Variants in SOX13 observed in about 807,000 individuals in gnomAD.
SOX13 encodes the protein SRY-box transcription factor 13, also known as transcription factor SOX-13.
A neutral mutation model predicts 71.8 loss-of-function variants in SOX13; 28 were observed. That is an observed-to-expected ratio of 0.39 (90% confidence interval 0.29 to 0.53). The LOEUF is 0.53. Ranked by LOEUF, SOX13 falls within the 20% of genes least tolerant of loss-of-function variation. The probability of loss-of-function intolerance (pLI) is 0.70; values close to 1 mark genes in which losing one functional copy is unlikely to be tolerated. For synonymous variants in SOX13, 309 were observed against 317.8 expected, an observed-to-expected ratio of 0.97 and a Z score of 0.29; for missense variants, 627 against 810.3, an observed-to-expected ratio of 0.77 and a Z score of 2.75.
chr1:204,102,003 C>T (rs116035589), intron 1 of SOX13, among the ~76,000 whole-genome samples: 5 of 152,314 alleles, frequency 3.3e-5, no homozygotes, highest in African/African-American at 1.2e-4. Context: ...TCAGGACCAG[C>T]CTGGGCAACA....
At chr1:204,108,257 G>C (rs1656510977) in intron 1 of SOX13, among the ~76,000 whole-genome samples, 1 of 152,206 alleles carries the variant, frequency 6.6e-6, no homozygotes, top group Non-Finnish European at 1.5e-5. Context: ...TTACTAATGA[G>C]CTATTTTACA....
intron 1 of SOX13, among the ~76,000 whole-genome samples, chr1:204,101,042 G>A (rs1656351396): frequency 1.3e-5 from 2 of 152,224 alleles, no homozygotes; most frequent in African/African-American, 4.8e-5. Flanking sequence ...TTTCTGGAGT[G>A]TTAGGGAGAC....
At position 204,105,986 on chromosome 1, in the gene SOX13, T is replaced by G. The variant is rs544499538; in HGVS notation, c.-1-6929T>G. Among the ~76,000 whole-genome samples the G allele has an allele frequency of 2.6e-5, 4 of 152,304 alleles. No homozygotes were observed. In the South Asian group the frequency reaches 6.2e-4, roughly 24 times the overall value. On this transcript the variant is annotated intron_variant, in intron 1 of 13. Transcript: ENST00000367204. Reference sequence around the variant, plus strand: ...CTGGGCATTTTGGGACAGTGGAGTTTGAGGTTACTGACCTTAAAACCTCCT... The same window carrying G: ...CTGGGCATTTTGGGACAGTGGAGTTGGAGGTTACTGACCTTAAAACCTCCT...
chr1:204,117,130 GCAGCAGCAGCAGCTGATT>G lies in SOX13; in HGVS notation c.612_629del (p.Gln204_Gln209del). 6.2e-7 allele frequency: 1 copy of G among 1,611,716 alleles called. No homozygotes were observed. The highest frequency in any genetic ancestry group is 8.5e-7 in the Non-Finnish European group (1 of 1,177,914). ...CTCTTTCCCTCTCCCAGATTGCAAA[GCAGCAGCAGCAGCTGATT>G]CAGCAGCAGCATAAGATCAACCTCC... is the stretch of plus-strand genomic sequence containing the variant. On this transcript the variant is annotated inframe_deletion, in exon 6 of 14. Transcript: ENST00000367204.
At chr1:204,112,326 A>G (rs564036225) in intron 1 of SOX13, among the ~76,000 whole-genome samples, 110 of 152,092 alleles carry the variant, frequency 7.2e-4, no homozygotes, top group African/African-American at 2.5e-3. Flanking sequence ...CTGTAATTCC[A>G]GCTACTCGGG....
intron 1 of SOX13, among the ~76,000 whole-genome samples, chr1:204,104,851 G>T (rs897773895): frequency 4.6e-5 from 7 of 152,120 alleles, no homozygotes; most frequent in Non-Finnish European, 7.3e-5. Flanking sequence ...TTTGTAGGGT[G>T]GGGGAAGGCT....
intron 1 of SOX13, among the ~76,000 whole-genome samples, chr1:204,077,901 T>C (rs1655815630): frequency 6.6e-6 from 1 of 152,134 alleles, no homozygotes. Context: ...AACCTCCACC[T>C]CCTGAGTTCA....
At position 204,112,920 on chromosome 1, in the gene SOX13, C is replaced by G. The variant is rs760980007; in HGVS notation, c.5C>G (p.Ser2Cys). The change falls in exon 2 of 14, where the codon TCC becomes TGC. Residue 2 changes from serine (S) to cysteine (C), a missense_variant. Ser to Cys is a moderately radical substitution (Grantham distance 112). Coordinates refer to ENST00000367204, the MANE Select transcript of SOX13 (RefSeq NM_005686.3). The part of the protein sequence containing the change: M[S>C]MRSPISAQLA... The stretch of plus-strand genomic sequence containing the variant: ...TCACTCTGTCCCTCCCCCAGGATGT[C>G]CATGAGGAGCCCCATCTCTGCCCAG... 7 of 1,613,000 alleles carry G rather than the reference C, an allele frequency of 4.3e-6. No individual in the cohort carries two copies. The South Asian group carries it at 7.7e-5, about 18-fold the overall frequency.
chr1:204,095,124 G>A (rs1656225667), intron 1 of SOX13, among the ~76,000 whole-genome samples: 1 of 152,190 alleles, frequency 6.6e-6, no homozygotes, highest in Non-Finnish European at 1.5e-5. Context: ...GAGCCGTACA[G>A]TAAGTCTCCC....
intron 1 of SOX13, among the ~76,000 whole-genome samples, chr1:204,079,223 G>A (rs1481240888): frequency 6.6e-6 from 1 of 151,790 alleles, no homozygotes; most frequent in African/African-American, 2.4e-5. Flanking sequence ...GCATGAACCC[G>A]GGGCCAAGAT....
At position 204,126,138 on chromosome 1, in the gene SOX13, C is replaced by A. The variant is rs200645858; in HGVS notation, c.*4C>A. 6.2e-7 allele frequency: 1 copy of A among 1,612,216 alleles called. No individual in the cohort carries two copies. Among genetic ancestry groups the A allele is most frequent in the Admixed American group, 1.7e-5 (1 of 59,972 alleles). On this transcript the variant is annotated 3_prime_UTR_variant, in exon 14 of 14. Transcript: ENST00000367204. The stretch of plus-strand genomic sequence containing the variant: ...GTTGGTGGTGCTCACAGACTGATCC[C>A]GGCTGGGTGGGCCTGGCCCCTTCTC...
At chr1:204,079,384 C>T (rs1419076908) in intron 1 of SOX13, among the ~76,000 whole-genome samples, 3 of 130,438 alleles carry the variant, frequency 2.3e-5, no homozygotes, top group African/African-American at 5.9e-5. Context: ...CTTGCTCTGT[C>T]GCCCAGGCCT....
Position 204,122,926 on chromosome 1 carries a change from G to T in SOX13, c.1097G>T (p.Gly366Val), listed in dbSNP as rs776673497. ...DARQLLHSHSGALDGSPNTPF... is the reference protein window; with the variant it reads ...DARQLLHSHSVALDGSPNTPF... The stretch of plus-strand genomic sequence containing the variant: ...CGGCAGCTGCTGCACAGCCACAGTG[G>T]GGCCTTGGATGGCTCCCCCAACACC... The change falls in exon 10 of 14, where the codon GGG becomes GTG. Residue 366 changes from glycine to valine, a missense_variant. Around this residue, in one of 3 missense-constraint regions of SOX13, gnomAD observed 447 missense variants for 532.2 expected, o/e 0.84. Coordinates refer to ENST00000367204, the MANE Select transcript of SOX13 (RefSeq NM_005686.3). 6.3e-6 allele frequency: 10 copies of T among 1,591,476 alleles called. No homozygotes were observed. Among genetic ancestry groups the T allele is most frequent in the Admixed American group, 1.7e-5 (1 of 57,178 alleles).
chr1:204,117,820 A>T (rs974566132), intron 7 of SOX13, 113 bp downstream of exon 7: 1 of 687,584 alleles, frequency 1.5e-6, no homozygotes, highest in African/African-American at 1.8e-5. Context: ...TCTGGGCCTC[A>T]GTTTTGGATC....
intron 1 of SOX13, among the ~76,000 whole-genome samples, chr1:204,086,622 C>G (rs1656027225): frequency 6.6e-6 from 1 of 152,052 alleles, no homozygotes; most frequent in South Asian, 2.1e-4. Context: ...TCTAGAAAGG[C>G]AGGATAGTTT....
intron 7 of SOX13, chr1:204,118,521 T>C (rs1656741889): frequency 6.6e-6 from 1 of 151,960 alleles, no homozygotes; most frequent in Admixed American, 6.6e-5. Context: ...CCACCATACC[T>C]GGCTAATTTT....
intron 7 of SOX13, chr1:204,118,645 A>G (rs530594108): frequency 1.3e-5 from 2 of 152,312 alleles, no homozygotes; most frequent in East Asian, 1.9e-4. Context: ...GTGAGCCAAC[A>G]TCTCCCAAAT....
intron 1 of SOX13, among the ~76,000 whole-genome samples, chr1:204,083,893 G>A (rs1323808336): frequency 2.6e-5 from 4 of 152,150 alleles, no homozygotes; most frequent in South Asian, 4.1e-4. Context: ...AGGATGTTTC[G>A]GGAGCACCCA....
At chr1:204,125,735 A>C in intron 13 of SOX13, 123 bp from the exon 14 acceptor site, 6 of 1,083,170 alleles carry the variant, frequency 5.5e-6, no homozygotes, top group African/African-American at 1.6e-5. Context: ...GGGGCAGGGT[A>C]TATAAGTCAC....
Sources: allele counts gnomAD v4.1 joint callset (sites outside exome capture counted in the v4.1 genomes callset), GRCh38; gene constraint gnomAD v4.1.1; regional missense constraint gnomAD v4.1.1; transcripts MANE v1.5; gene names NCBI Gene and HGNC (gene_info 2026-07-23, HGNC 2026-07-21).